Variants in RGS6 observed in about 807,000 individuals in gnomAD.
The protein encoded by RGS6 is regulator of G-protein signaling 6.
RGS6 carries 30 observed loss-of-function variants against 78.5 expected under a neutral mutation model. The observed-to-expected ratio is 0.38, with a 90% CI of 0.29 to 0.52. The LOEUF (loss-of-function observed/expected upper bound fraction) is 0.52. Ranked by LOEUF, RGS6 falls within the 20% of genes least tolerant of loss-of-function variation. RGS6 has a pLI of 0.85. For missense variants in RGS6, 495 were observed against 609.7 expected, an observed-to-expected ratio of 0.81 and a Z score of 1.98; for synonymous variants, 206 against 206.0, an observed-to-expected ratio of 1.00 and a Z score of 0.00.
At chr14:72,156,185 C>T (rs7144075) in intron 2 of RGS6, among the ~76,000 whole-genome samples, 4,017 of 152,196 alleles carry the variant, frequency 0.026, 165 homozygotes, top group African/African-American at 0.091. Context: ...CAGTGGCTTA[C>T]GCCTGTGATC....
intron 2 of RGS6, among the ~76,000 whole-genome samples, chr14:72,187,352 A>G (rs144780629): frequency 3.1e-4 from 47 of 152,212 alleles, no homozygotes; most frequent in Non-Finnish European, 6.0e-4. Context: ...TGTGGCTACA[A>G]GTAGATTGTG....
chr14:72,383,461 T>A (rs1394358956), intron 3 of RGS6, among the ~76,000 whole-genome samples: 1 of 151,922 alleles, frequency 6.6e-6, no homozygotes, highest in Non-Finnish European at 1.5e-5. Flanking sequence ...TTATTTTGGG[T>A]GTTGTGTGTC....
chr14:72,451,591 G>A (rs900372219), intron 3 of RGS6, among the ~76,000 whole-genome samples: 1 of 152,074 alleles, frequency 6.6e-6, no homozygotes, highest in African/African-American at 2.4e-5. Context: ...GTAATTAACA[G>A]GGGAAAGGAA....
chr14:72,070,421 C>G (rs2094365289), intron 2 of RGS6, among the ~76,000 whole-genome samples: 1 of 152,176 alleles, frequency 6.6e-6, no homozygotes, highest in South Asian at 2.1e-4. Flanking sequence ...TGAGTTTTCA[C>G]TTATTATAGT....
intron 2 of RGS6, among the ~76,000 whole-genome samples, chr14:72,095,289 G>T (rs2095376617): frequency 6.6e-6 from 1 of 152,090 alleles, no homozygotes; most frequent in Admixed American, 6.6e-5. Context: ...TTAGCAAGTA[G>T]GTTTTCTTTT....
chr14:72,513,353 A>G (rs1297051994), intron 14 of RGS6, among the ~76,000 whole-genome samples: 1 of 152,046 alleles, frequency 6.6e-6, no homozygotes, highest in Non-Finnish European at 1.5e-5. Context: ...CCCTTTGATC[A>G]GTGTCTTCTG....
chr14:72,599,657 CT>C, the RGS6 span, among the ~76,000 whole-genome samples: 54 of 149,850 alleles, frequency 3.6e-4, no homozygotes, highest in African/African-American at 1.2e-3. Flanking sequence ...ATCTCCTGAC[CT>C]CATGATCCGC....
intron 2 of RGS6, among the ~76,000 whole-genome samples, chr14:72,243,543 C>T (rs2053465046): frequency 6.6e-6 from 1 of 152,102 alleles, no homozygotes; most frequent in Non-Finnish European, 1.5e-5. Flanking sequence ...TATTGATTGC[C>T]TTCCAACTCT....
chr14:72,399,046 G>A lies in RGS6; in HGVS notation c.184+46852G>A, dbSNP rs557729177. ...ATATTCTGTTGATTTGGGGTGGAGA[G>A]TTCTGTAGATGTCTATTAGGTCCGC... On this transcript the variant is annotated intron_variant, in intron 3 of 17. Coordinates refer to ENST00000553525, the MANE Select transcript of RGS6 (RefSeq NM_001204424.2). Among the ~76,000 whole-genome samples, 898 of 151,752 alleles carry A rather than the reference G, an allele frequency of 5.9e-3. 3 individuals are homozygous for A. The highest frequency in any genetic ancestry group is 0.021 in the African/African-American group (854 of 41,186).
At chr14:72,251,574 C>A (rs2055791284) in intron 2 of RGS6, among the ~76,000 whole-genome samples, 1 of 152,156 alleles carries the variant, frequency 6.6e-6, no homozygotes, top group Non-Finnish European at 1.5e-5. Context: ...CACAACAGGC[C>A]TGTCCAGAGA....
intron 4 of RGS6, 57 bp downstream of exon 4, chr14:72,454,635 C>G: frequency 6.8e-7 from 1 of 1,468,202 alleles, no homozygotes; most frequent in Non-Finnish European, 9.4e-7. Context: ...CATCCCATAA[C>G]CAAGTTCCAA....
the RGS6 span, chr14:72,612,346 C>A: frequency 2.3e-6 from 1 of 441,788 alleles, no homozygotes; most frequent in East Asian, 5.6e-5. Flanking sequence ...CTCTCTCCAG[C>A]CACCTGCTCC....
At chr14:72,343,971 A>G (rs2077513653) in intron 2 of RGS6, among the ~76,000 whole-genome samples, 1 of 152,200 alleles carries the variant, frequency 6.6e-6, no homozygotes, top group Non-Finnish European at 1.5e-5. Context: ...GTTGCTGGCC[A>G]TCTGCGGTCA....
intron 3 of RGS6, among the ~76,000 whole-genome samples, chr14:72,414,990 C>T (rs1402584735): frequency 6.6e-6 from 1 of 152,204 alleles, no homozygotes; most frequent in African/African-American, 2.4e-5. Context: ...AGTTAGGCTA[C>T]TCGGGGGTCA....
intron 2 of RGS6, among the ~76,000 whole-genome samples, chr14:72,266,822 C>G (rs1466469566): frequency 6.6e-6 from 1 of 152,154 alleles, no homozygotes; most frequent in African/African-American, 2.4e-5. Context: ...AAGGCTAAGA[C>G]CAGGAGTGGT....
intron 2 of RGS6, among the ~76,000 whole-genome samples, chr14:72,004,846 T>A (rs1285521991): frequency 1.3e-5 from 2 of 151,564 alleles, no homozygotes; most frequent in Admixed American, 6.6e-5. Context: ...AATAAATAAA[T>A]AAAACAAACA....
chr14:72,617,801 G>A, the RGS6 span, among the ~76,000 whole-genome samples: 1 of 152,176 alleles, frequency 6.6e-6, no homozygotes, highest in Non-Finnish European at 1.5e-5. Context: ...AGGAGCTGAA[G>A]AACTAAAAAT....
intron 2 of RGS6, among the ~76,000 whole-genome samples, chr14:72,292,519 CA>C (rs1447202095): frequency 2.6e-5 from 4 of 152,222 alleles, no homozygotes; most frequent in Non-Finnish European, 5.9e-5. Context: ...GTCCTGATGA[CA>C]AAACAACCCT....
chr14:72,225,459 G>C (rs947016181), intron 2 of RGS6, among the ~76,000 whole-genome samples: 2 of 152,060 alleles, frequency 1.3e-5, no homozygotes, highest in African/African-American at 4.8e-5. Flanking sequence ...GGGTAACTGG[G>C]GCTACAGGCA....
Sources: gnomAD v4.1 joint callset for allele counts (sites outside exome capture counted in the v4.1 genomes callset) on GRCh38, gnomAD v4.1.1 for gene constraint, MANE v1.5 for transcripts, NCBI Gene and HGNC (gene_info 2026-07-23, HGNC 2026-07-21) for gene names.